Variants in PCDH11X observed in about 807,000 individuals in gnomAD.
PCDH11X encodes the protein protocadherin-11 X-linked.
Under a neutral mutation model 53.3 loss-of-function variants are expected in PCDH11X, and 18 were observed. The observed-to-expected ratio is 0.34, with a 90% CI of 0.23 to 0.50. The LOEUF (loss-of-function observed/expected upper bound fraction) is 0.50, where lower values mean the gene tolerates loss of function less well. PCDH11X is among the 20% of genes least tolerant of loss of function. The pLI, the probability that PCDH11X is intolerant of heterozygous loss-of-function variation, is 0.98. For missense variants in PCDH11X, 570 were observed against 1,032.4 expected (o/e 0.55, Z 6.14); for synonymous variants, 279 against 393.3 (o/e 0.71, Z 3.44).
At chrX:91,886,848 G>GT (rs1301934973) in intron 6 of PCDH11X, among the ~76,000 whole-genome samples, 1 of 107,390 alleles carries the variant, frequency 9.3e-6, no homozygotes, top group East Asian at 2.9e-4. Context: ...GCGGGCGCCT[G>GT]TAGTCCCAGC....
intron 8 of PCDH11X, among the ~76,000 whole-genome samples, chrX:92,293,479 C>T (rs369547567): frequency 1.8e-5 from 2 of 109,444 alleles, no homozygotes; most frequent in South Asian, 4.0e-4. Flanking sequence ...AAAAAATTAG[C>T]CGGGCGTGGT....
intron 10 of PCDH11X, among the ~76,000 whole-genome samples, chrX:92,603,385 A>C (rs750549389): frequency 9.3e-6 from 1 of 107,955 alleles, no homozygotes; most frequent in African/African-American, 3.4e-5. Context: ...GGGTATCAGA[A>C]AGAAAGAAGA....
chrX:91,990,289 C>G lies in PCDH11X; in HGVS notation c.3033+111016C>G, dbSNP rs184914434. 2.8e-3 allele frequency among the ~76,000 whole-genome samples: 294 copies of G among 106,577 alleles called. 4 individuals carry two copies. The highest frequency in any genetic ancestry group is 0.01 in the Admixed American group (105 of 10,013). The allele number at this position is 106,577 out of a possible 115,157, so 92.5% of individuals were successfully genotyped here. A position where few individuals can be genotyped will look rare whatever the true frequency, so the allele number is the denominator to read the frequency against. ...CACCTCATACATTTATCATTTGACT[C>G]TTATTTATATCTTTTGTTTTTTCTG... On this transcript the variant is annotated intron_variant, in intron 6 of 10. Coordinates refer to ENST00000682573, the MANE Select transcript of PCDH11X (RefSeq NM_032968.5).
At chrX:92,469,302 G>A (rs1184751800) in intron 10 of PCDH11X, among the ~76,000 whole-genome samples, 1 of 110,067 alleles carries the variant, frequency 9.1e-6, no homozygotes, top group Non-Finnish European at 1.9e-5. Flanking sequence ...GTAAAATGTT[G>A]CTTTTGACTT....
At chrX:92,612,765 G>T (rs377435658) in intron 10 of PCDH11X, among the ~76,000 whole-genome samples, 1 of 104,758 alleles carries the variant, frequency 9.5e-6, no homozygotes, top group East Asian at 3.0e-4. Context: ...TCTTTTTGTA[G>T]ACCAAGAAAA....
intron 8 of PCDH11X, among the ~76,000 whole-genome samples, chrX:92,272,313 G>T (rs1488001995): frequency 1.2e-4 from 13 of 111,508 alleles, no homozygotes; most frequent in Non-Finnish European, 1.9e-5. Flanking sequence ...ATGTTTTCTT[G>T]TGTTCATTTA....
chrX:92,072,696 C>T (rs1451825073), intron 6 of PCDH11X, among the ~76,000 whole-genome samples: 2 of 111,292 alleles, frequency 1.8e-5, no homozygotes, highest in Non-Finnish European at 3.8e-5. Context: ...ATTCTTCATT[C>T]TCCTCTTGTT....
chrX:92,354,411 A>T (rs1228724934), intron 8 of PCDH11X, among the ~76,000 whole-genome samples: 2 of 107,697 alleles, frequency 1.9e-5, no homozygotes, highest in Non-Finnish European at 1.9e-5. Context: ...TTCTAAATGG[A>T]TTGGAGCTTT....
chrX:92,579,825 G>A (rs1268577720), intron 10 of PCDH11X, among the ~76,000 whole-genome samples: 1 of 111,456 alleles, frequency 9.0e-6, no homozygotes, highest in African/African-American at 3.3e-5. Flanking sequence ...AGGCACTGTG[G>A]CTTTTTGAGT....
intron 6 of PCDH11X, among the ~76,000 whole-genome samples, chrX:92,162,337 G>A (rs1041742886): frequency 1.1e-4 from 12 of 109,313 alleles, no homozygotes; most frequent in African/African-American, 4.0e-4. Context: ...GATTACAGGT[G>A]TGCACCACCA....
intron 6 of PCDH11X, among the ~76,000 whole-genome samples, chrX:92,040,756 A>G (rs2063197874): frequency 9.4e-6 from 1 of 106,841 alleles, no homozygotes; most frequent in Non-Finnish European, 1.9e-5. Context: ...CTGGTTGGCC[A>G]TTTTTCTCTG....
At chrX:92,273,611 T>G (rs1022396648) in intron 8 of PCDH11X, among the ~76,000 whole-genome samples, 2 of 110,213 alleles carry the variant, frequency 1.8e-5, no homozygotes, top group Middle Eastern at 4.7e-3. Flanking sequence ...GGACGATGTT[T>G]CTCAGGGCTG....
At chrX:92,237,945 T>C (rs914064790) in intron 7 of PCDH11X, among the ~76,000 whole-genome samples, 2 of 112,013 alleles carry the variant, frequency 1.8e-5, no homozygotes, top group African/African-American at 3.2e-5. Context: ...TAATCTGTGA[T>C]AGAGTGCTCT....
intron 6 of PCDH11X, among the ~76,000 whole-genome samples, chrX:91,946,599 A>ATATATATATG (rs58031232): frequency 5.3e-5 from 4 of 76,111 alleles, no homozygotes; most frequent in Admixed American, 1.6e-4. Context: ...ATATATATAT[A>ATATATATATG]GCTATTTAAA....
At chrX:91,822,897 G>A (rs1322106435) in intron 4 of PCDH11X, among the ~76,000 whole-genome samples, 1 of 111,331 alleles carries the variant, frequency 9.0e-6, no homozygotes, top group Non-Finnish European at 1.9e-5. Flanking sequence ...TGGTTTCAAA[G>A]AACATCTTTA....
chrX:92,080,554 G>A (rs1056848868), intron 6 of PCDH11X, among the ~76,000 whole-genome samples: 9 of 111,072 alleles, frequency 8.1e-5, no homozygotes, highest in African/African-American at 3.0e-4. Context: ...TTTACCAGGA[G>A]CAACTGCTGG....
chrX:91,854,673 G>A lies in PCDH11X; in HGVS notation c.540+18629G>A, dbSNP rs754544674. On this transcript the variant is annotated intron_variant, in intron 5 of 10. Coordinates refer to ENST00000682573, the MANE Select transcript of PCDH11X (RefSeq NM_032968.5). ...TCGTTGCCAACATTTGTTACCACCC[G>A]TCTTTTAGATAAAAGCCAGGGGGTG... is the stretch of plus-strand genomic sequence containing the variant. Among the ~76,000 whole-genome samples the A allele has an allele frequency of 1.1e-3, 118 of 111,624 alleles. 2 individuals are homozygous for A. The highest frequency in any genetic ancestry group is 3.4e-4 in the Non-Finnish European group (18 of 53,080).
intron 10 of PCDH11X, among the ~76,000 whole-genome samples, chrX:92,605,100 A>G (rs1926647742): frequency 9.3e-6 from 1 of 108,037 alleles, no homozygotes; most frequent in Admixed American, 1.0e-4. Flanking sequence ...TCTGACTACA[A>G]GAGCAGAATA....
chrX:91,847,088 T>A (rs1190875254), intron 5 of PCDH11X, among the ~76,000 whole-genome samples: 7 of 110,774 alleles, frequency 6.3e-5, no homozygotes, highest in Non-Finnish European at 1.3e-4. Context: ...ACCTGTACAG[T>A]GTACAGTGTA....
Sources: gnomAD v4.1 joint callset for allele counts (sites outside exome capture counted in the v4.1 genomes callset) on GRCh38, gnomAD v4.1.1 for gene constraint, MANE v1.5 for transcripts, NCBI Gene and HGNC (gene_info 2026-07-23, HGNC 2026-07-21) for gene names.